METTL15: variants seen among roughly 807,000 people sequenced by gnomAD.
The protein encoded by METTL15 is 12S rRNA N(4)-cytidine methyltransferase METTL15.
Under a neutral mutation model 38.3 loss-of-function variants are expected in METTL15, and 34 were observed. The observed-to-expected ratio is 0.89, with a 90% CI of 0.68 to 1.18. The LOEUF is 1.18. Among genes scored for constraint, METTL15 ranks in the 50% most tolerant of loss-of-function variants. METTL15 has a pLI of 0.00. For missense variants in METTL15, 438 were observed against 498.4 expected (o/e 0.88, Z 1.15); for synonymous variants, 162 against 170.9 (o/e 0.95, Z 0.41).
chr11:28,177,003 T>C (rs1222050772), intron 3 of METTL15, among the ~76,000 whole-genome samples: 1 of 152,048 alleles, frequency 6.6e-6, no homozygotes, highest in African/African-American at 2.4e-5. Context: ...TTTGCCTTTC[T>C]TTTATAAATA....
chr11:28,319,758 G>T (rs1849395804), intron 6 of METTL15, among the ~76,000 whole-genome samples: 1 of 152,144 alleles, frequency 6.6e-6, no homozygotes, highest in African/African-American at 2.4e-5. Context: ...TTATCAAAAA[G>T]TTGGGAAATT....
intron 6 of METTL15, among the ~76,000 whole-genome samples, chr11:28,319,228 C>T (rs574607708): frequency 2.0e-5 from 3 of 152,164 alleles, no homozygotes; most frequent in Admixed American, 6.5e-5. Context: ...AAAATGAGAT[C>T]GTTGTATAAA....
chr11:28,464,070 A>G (rs1851237294), intron 6 of METTL15, among the ~76,000 whole-genome samples: 1 of 152,132 alleles, frequency 6.6e-6, no homozygotes, highest in South Asian at 2.1e-4. Flanking sequence ...AGCAAAGTTG[A>G]ATCGTGTTTG....
downstream of METTL15, among the ~76,000 whole-genome samples, chr11:28,530,215 G>A (rs561762441): frequency 1.6e-4 from 25 of 152,262 alleles, no homozygotes; most frequent in African/African-American, 4.8e-4. Context: ...TTCTTAAAGA[G>A]AGAGACAGAG....
rs181015193 is a variant in METTL15, at chr11:28,250,094, T to A, written c.407+38896T>A. The stretch of plus-strand genomic sequence containing the variant: ...GCTGCATAGTATTCCTTGGTCTATA[T>A]GTACTGCATTGTCTTTATTCAGTGT... On this transcript the variant is annotated intron_variant, in intron 4 of 6. Transcript: ENST00000407364. Among the ~76,000 whole-genome samples the A allele has an allele frequency of 2.0e-5, 3 of 152,104 alleles. No individual in the cohort carries two copies. In the South Asian group the frequency reaches 6.2e-4, roughly 31 times the overall value.
intron 6 of METTL15, among the ~76,000 whole-genome samples, chr11:28,436,117 A>G (rs1288092435): frequency 6.6e-6 from 1 of 152,202 alleles, no homozygotes; most frequent in East Asian, 1.9e-4. Flanking sequence ...AAAGTTCATT[A>G]GTACATTTAA....
chr11:28,333,036 C>G lies in METTL15; in HGVS notation c.*2195C>G, dbSNP rs1182202918. On this transcript the variant is annotated 3_prime_UTR_variant, in exon 7 of 7. Transcript: ENST00000407364. ...ATTGGAGTGATACATTGTGGGAACC[C>G]TCAGAAGATAGGAAAAAAGCATGGA... The G allele has an allele frequency of 2.7e-5, 4 of 149,090 alleles. No individual in the cohort carries two copies. The highest frequency in any genetic ancestry group is 3.0e-5 in the Non-Finnish European group (2 of 67,640). 9.2% of individuals were successfully genotyped at this position (149,090 alleles called of 1,614,324 possible). A position where few individuals can be genotyped will look rare whatever the true frequency, so the allele number is the denominator to read the frequency against.
At chr11:28,183,635 C>T (rs148047670) in intron 3 of METTL15, among the ~76,000 whole-genome samples, 8,310 of 151,848 alleles carry the variant, frequency 0.055, 327 homozygotes, top group East Asian at 0.16. Context: ...ATAAGCTTTT[C>T]GATGTGCTGC....
intron 5 of METTL15, among the ~76,000 whole-genome samples, chr11:28,407,965 C>T (rs899284324): frequency 6.6e-6 from 1 of 152,156 alleles, no homozygotes; most frequent in African/African-American, 2.4e-5. Flanking sequence ...CCATGGAATA[C>T]TGTGCAGCCA....
At chr11:28,527,459 A>C (rs1851819945), downstream of METTL15, among the ~76,000 whole-genome samples, 1 of 152,222 alleles carries the variant, frequency 6.6e-6, no homozygotes, top group Non-Finnish European at 1.5e-5. Flanking sequence ...ATAGGCATTG[A>C]GTACCCCCTG....
intron 6 of METTL15, among the ~76,000 whole-genome samples, chr11:28,322,758 G>T (rs371815608): frequency 3.4e-4 from 51 of 152,110 alleles, no homozygotes; most frequent in Admixed American, 1.0e-3. Flanking sequence ...AAAATGTACA[G>T]TTCACACGTT....
At chr11:28,299,128 T>C (rs2134006008) in intron 6 of METTL15, among the ~76,000 whole-genome samples, 1 of 152,268 alleles carries the variant, frequency 6.6e-6, no homozygotes, top group South Asian at 2.1e-4. Flanking sequence ...CAGATAACTA[T>C]AGAACCTATA....
At chr11:28,202,971 A>T (rs1342052112) in intron 3 of METTL15, among the ~76,000 whole-genome samples, 1 of 117,172 alleles carries the variant, frequency 8.5e-6, no homozygotes, top group Non-Finnish European at 2.1e-5. Flanking sequence ...GATTAGAATG[A>T]TTGGATTAAA....
At chr11:28,507,096 C>T (rs1206875785) in intron 6 of METTL15, among the ~76,000 whole-genome samples, 2 of 152,130 alleles carry the variant, frequency 1.3e-5, no homozygotes, top group Non-Finnish European at 2.9e-5. Flanking sequence ...TCAGTCAGCA[C>T]ACGCATTGCT....
At position 28,127,839 on chromosome 11, in the gene METTL15, C is replaced by T. The variant is rs1054097553; in HGVS notation, c.270+14235C>T. Among the ~76,000 whole-genome samples the T allele has an allele frequency of 2.6e-5, 4 of 151,752 alleles. No individual in the cohort carries two copies. In the South Asian group the frequency reaches 8.3e-4, roughly 32 times the overall value. The stretch of plus-strand genomic sequence containing the variant: ...CATGAAAGTATACCAAAGAAATCAC[C>T]CCGACAGTTAAAAGTTTGCCAGCTT... On this transcript the variant is annotated intron_variant, in intron 3 of 6. Coordinates refer to ENST00000407364, the MANE Select transcript of METTL15 (RefSeq NM_001113528.2).
At chr11:28,344,112 C>G in intron 3 of METTL15, among the ~76,000 whole-genome samples, 1 of 152,186 alleles carries the variant, frequency 6.6e-6, no homozygotes, top group Middle Eastern at 3.4e-3. Context: ...CTTGTTTCAC[C>G]CTTACTTTTT....
chr11:28,231,936 T>C (rs1648975348), intron 4 of METTL15, among the ~76,000 whole-genome samples: 1 of 151,912 alleles, frequency 6.6e-6, no homozygotes. Context: ...TGGCATATAG[T>C]ACATACTCAA....
intron 5 of METTL15, among the ~76,000 whole-genome samples, chr11:28,412,629 C>A (rs369070449): frequency 6.6e-6 from 1 of 151,754 alleles, no homozygotes; most frequent in South Asian, 2.1e-4. Context: ...GTAAAATAAA[C>A]CAAACGCAGA....
chr11:28,233,408 G>C (rs1853776142), intron 4 of METTL15, among the ~76,000 whole-genome samples: 1 of 151,828 alleles, frequency 6.6e-6, no homozygotes, highest in African/African-American at 2.4e-5. Flanking sequence ...TAAACCATTA[G>C]CTTTTTTTGT....
Sources: gnomAD v4.1 joint callset for allele counts (sites outside exome capture counted in the v4.1 genomes callset) on GRCh38, gnomAD v4.1.1 for gene constraint, MANE v1.5 for transcripts, NCBI Gene and HGNC (gene_info 2026-07-23, HGNC 2026-07-21) for gene names.